Variants in AGBL4 observed in about 807,000 individuals in gnomAD.
AGBL4 encodes the protein cytosolic carboxypeptidase 6.
AGBL4 carries 58 observed loss-of-function variants against 66.4 expected under a neutral mutation model. The observed-to-expected ratio is 0.87, with a 90% confidence interval of 0.71 to 1.09. The LOEUF (loss-of-function observed/expected upper bound fraction) is 1.09. Among genes scored for constraint, AGBL4 ranks in the 50% least tolerant of loss-of-function variants. AGBL4 has a pLI of 0.00. For missense variants in AGBL4, 579 were observed against 631.0 expected (o/e 0.92, Z 0.88); for synonymous variants, 234 against 222.9 (o/e 1.05, Z -0.44).
intron 4 of AGBL4, among the ~76,000 whole-genome samples, chr1:49,108,712 G>A (rs1039295985): frequency 1.3e-5 from 2 of 152,136 alleles, no homozygotes; most frequent in African/African-American, 2.4e-5. Context: ...CAGGGGTTAT[G>A]GCATAATTAA....
At chr1:48,892,580 C>T (rs1651072467) in intron 5 of AGBL4, among the ~76,000 whole-genome samples, 2 of 152,100 alleles carry the variant, frequency 1.3e-5, no homozygotes, top group Non-Finnish European at 2.9e-5. Context: ...GAAGTAAAAG[C>T]GGGGCAACAC....
intron 3 of AGBL4, among the ~76,000 whole-genome samples, chr1:49,391,850 C>T (rs1262743406): frequency 6.6e-6 from 1 of 151,860 alleles, no homozygotes; most frequent in East Asian, 1.9e-4. Context: ...TGTGAGCCAA[C>T]CATGAGGTTT....
At chr1:49,501,042 T>C (rs541338577) in intron 3 of AGBL4, among the ~76,000 whole-genome samples, 25 of 152,124 alleles carry the variant, frequency 1.6e-4, no homozygotes, top group Non-Finnish European at 2.6e-4. Context: ...GTCTATAATT[T>C]CTTTCAGCAG....
intron 3 of AGBL4, among the ~76,000 whole-genome samples, chr1:49,675,154 AG>A (rs1175046185): frequency 6.6e-6 from 1 of 152,132 alleles, no homozygotes; most frequent in Admixed American, 6.6e-5. Context: ...TTTCCAACCA[AG>A]GGATAAGACA....
intron 6 of AGBL4, among the ~76,000 whole-genome samples, chr1:48,767,734 G>C (rs1002888496): frequency 2.8e-4 from 42 of 152,192 alleles, no homozygotes; most frequent in African/African-American, 9.9e-4. Flanking sequence ...CAAATAATCA[G>C]TTTTAGTGTA....
Position 49,170,268 on chromosome 1 carries a change from T to G in AGBL4, c.377+75502A>C, listed in dbSNP as rs1263663182. 4.1e-5 allele frequency among the ~76,000 whole-genome samples: 6 copies of G among 145,722 alleles called. No homozygotes were observed. In the East Asian group the frequency reaches 9.8e-4, roughly 24 times the overall value. On this transcript the variant is annotated intron_variant, in intron 4 of 13. Transcript: ENST00000371839. ...CATATAAATATATTATAAATTTATA[T>G]TCATATAAATATATTATAAATTTAT...
chr1:49,571,962 A>G (rs1182853060), intron 3 of AGBL4, among the ~76,000 whole-genome samples: 2 of 152,064 alleles, frequency 1.3e-5, no homozygotes, highest in African/African-American at 4.8e-5. Context: ...TGTTGGATTC[A>G]GTGTGCAAGT....
chr1:49,322,284 T>G (rs1416755710), intron 3 of AGBL4, among the ~76,000 whole-genome samples: 1 of 152,102 alleles, frequency 6.6e-6, no homozygotes, highest in Non-Finnish European at 1.5e-5. Context: ...ATACACACAT[T>G]AAAAAAATGC....
At chr1:48,523,853 C>T in the AGBL4 span, among the ~76,000 whole-genome samples, 1 of 152,136 alleles carries the variant, frequency 6.6e-6, no homozygotes, top group Non-Finnish European at 1.5e-5. Context: ...TGCTATACAC[C>T]TAGGCTACAT....
chr1:48,878,767 G>A (rs886133063), intron 5 of AGBL4, among the ~76,000 whole-genome samples: 2 of 152,106 alleles, frequency 1.3e-5, no homozygotes, highest in South Asian at 2.1e-4. Flanking sequence ...GAGTTCCTGT[G>A]AAAAATATCA....
At chr1:49,461,629 CT>C (rs1646515112) in intron 3 of AGBL4, among the ~76,000 whole-genome samples, 1 of 147,944 alleles carries the variant, frequency 6.8e-6, no homozygotes, top group South Asian at 2.2e-4. Context: ...GCCCCCCACC[CT>C]ACCAACAGGC....
chr1:49,005,216 A>C (rs1036443533), intron 5 of AGBL4, among the ~76,000 whole-genome samples: 1 of 152,236 alleles, frequency 6.6e-6, no homozygotes, highest in Admixed American at 6.5e-5. Context: ...ATTCCCATAG[A>C]AACTAAATTT....
At chr1:49,146,154 CA>C (rs1367434301) in intron 4 of AGBL4, among the ~76,000 whole-genome samples, 1 of 151,728 alleles carries the variant, frequency 6.6e-6, no homozygotes, top group African/African-American at 2.4e-5. Context: ...TCAATGGGTA[CA>C]AAAAACAAAT....
chr1:49,966,612 C>T (rs1657583671), intron 1 of AGBL4, among the ~76,000 whole-genome samples: 2 of 151,992 alleles, frequency 1.3e-5, no homozygotes, highest in African/African-American at 4.8e-5. Flanking sequence ...GTGTGAAAAT[C>T]TCTTAACTTT....
At chr1:48,935,890 C>T (rs958305824) in intron 5 of AGBL4, among the ~76,000 whole-genome samples, 7 of 132,518 alleles carry the variant, frequency 5.3e-5, no homozygotes, top group East Asian at 2.6e-4. Flanking sequence ...ACCTGGGAGG[C>T]GGACGTTGCA....
chr1:48,665,918 A>G (rs1646179850), intron 6 of AGBL4, among the ~76,000 whole-genome samples: 1 of 152,320 alleles, frequency 6.6e-6, no homozygotes, highest in Non-Finnish European at 1.5e-5. Flanking sequence ...TATCAAGTCA[A>G]TTGCATTCAG....
At chr1:49,997,128 A>G (rs1392307788) in intron 1 of AGBL4, among the ~76,000 whole-genome samples, 1 of 152,158 alleles carries the variant, frequency 6.6e-6, no homozygotes. Flanking sequence ...CACAGGACCT[A>G]TAATACAATA....
intron 4 of AGBL4, among the ~76,000 whole-genome samples, chr1:49,157,118 G>T (rs1553161066): frequency 1.3e-5 from 2 of 151,968 alleles, no homozygotes; most frequent in South Asian, 2.1e-4. Context: ...AAGTTCTAGG[G>T]TATATGTGCA....
chr1:49,425,703 C>T (rs1645641153), intron 3 of AGBL4, among the ~76,000 whole-genome samples: 1 of 152,192 alleles, frequency 6.6e-6, no homozygotes, highest in African/African-American at 2.4e-5. Context: ...CCTGGCTCAA[C>T]TTAGCTATAG....
Sources: allele counts gnomAD v4.1 joint callset (sites outside exome capture counted in the v4.1 genomes callset), GRCh38; gene constraint gnomAD v4.1.1; transcripts MANE v1.5; gene names NCBI Gene and HGNC (gene_info 2026-07-23, HGNC 2026-07-21).